Variants in TAFA1 observed in about 807,000 individuals in gnomAD.
TAFA1 encodes the protein TAFA chemokine like family member 1.
TAFA1 carries 4 observed loss-of-function variants against 18.5 expected under a neutral mutation model. That is an observed-to-expected ratio of 0.22 (90% CI 0.11 to 0.49). The LOEUF (loss-of-function observed/expected upper bound fraction) is 0.49, where lower values mean the gene tolerates loss of function less well. TAFA1 is among the 20% of genes least tolerant of loss of function. The pLI, the probability that TAFA1 is intolerant of heterozygous loss-of-function variation, is 0.98. For synonymous variants in TAFA1, 56 were observed against 55.2 expected (o/e 1.01, Z -0.06); for missense variants, 147 against 169.0 (o/e 0.87, Z 0.72).
At chr3:68,466,787 C>CGTAG (rs1166604626) in intron 3 of TAFA1, among the ~76,000 whole-genome samples, 11 of 152,098 alleles carry the variant, frequency 7.2e-5, no homozygotes, top group African/African-American at 2.7e-4. Flanking sequence ...GATATTTCAA[C>CGTAG]GTAGGTTCTT....
At chr3:68,021,654 A>G (rs989338606) in intron 2 of TAFA1, among the ~76,000 whole-genome samples, 2 of 152,190 alleles carry the variant, frequency 1.3e-5, no homozygotes, top group Non-Finnish European at 2.9e-5. Flanking sequence ...TAAGAATTAC[A>G]TAACTAACAA....
At chr3:68,453,822 C>CT (rs2106903082) in intron 3 of TAFA1, among the ~76,000 whole-genome samples, 1 of 152,246 alleles carries the variant, frequency 6.6e-6, no homozygotes, top group East Asian at 1.9e-4. Flanking sequence ...TGCAGCTGAG[C>CT]TTTTCATATT....
chr3:68,384,806 C>T (rs910182986), intron 2 of TAFA1, among the ~76,000 whole-genome samples: 1 of 151,330 alleles, frequency 6.6e-6, no homozygotes, highest in Admixed American at 6.6e-5. Flanking sequence ...GTCTAAGTCT[C>T]TTCTAAGGTG....
intron 2 of TAFA1, among the ~76,000 whole-genome samples, chr3:68,363,341 C>T (rs1161722253): frequency 6.6e-6 from 1 of 152,136 alleles, no homozygotes; most frequent in Non-Finnish European, 1.5e-5. Flanking sequence ...TCCTGGGTTG[C>T]ACCTTTCTGT....
intron 3 of TAFA1, among the ~76,000 whole-genome samples, chr3:68,503,012 T>C (rs1225557644): frequency 6.6e-6 from 1 of 152,168 alleles, no homozygotes; most frequent in Middle Eastern, 3.2e-3. Flanking sequence ...AAAGGAATGA[T>C]GTATAGCCCA....
At chr3:68,105,590 C>A (rs965436800) in intron 2 of TAFA1, among the ~76,000 whole-genome samples, 10 of 152,062 alleles carry the variant, frequency 6.6e-5, no homozygotes, top group Admixed American at 1.3e-4. Flanking sequence ...AACACAGAAT[C>A]AAGTATTTAC....
At chr3:68,489,472 AT>A (rs2072411168) in intron 3 of TAFA1, among the ~76,000 whole-genome samples, 1 of 152,174 alleles carries the variant, frequency 6.6e-6, no homozygotes, top group Admixed American at 6.5e-5. Flanking sequence ...GCCAAACTCT[AT>A]TTGCAAGTTG....
intron 3 of TAFA1, among the ~76,000 whole-genome samples, chr3:68,457,312 A>G (rs961723911): frequency 6.6e-6 from 1 of 152,158 alleles, no homozygotes; most frequent in Non-Finnish European, 1.5e-5. Context: ...AACTTTTTAT[A>G]ATAGATTTAT....
intron 2 of TAFA1, among the ~76,000 whole-genome samples, chr3:68,165,569 G>A (rs1015006521): frequency 6.6e-6 from 1 of 152,208 alleles, no homozygotes; most frequent in Non-Finnish European, 1.5e-5. Context: ...AAGAAGGTAT[G>A]GCTTCTACTC....
intron 2 of TAFA1, among the ~76,000 whole-genome samples, chr3:68,032,561 A>G (rs1419057974): frequency 6.6e-6 from 1 of 152,108 alleles, no homozygotes; most frequent in Non-Finnish European, 1.5e-5. Flanking sequence ...ATTTGCTGAA[A>G]TTCTCCTGTC....
chr3:68,298,071 C>G (rs1161080496), intron 2 of TAFA1, among the ~76,000 whole-genome samples: 3 of 152,138 alleles, frequency 2.0e-5, no homozygotes, highest in Non-Finnish European at 4.4e-5. Context: ...GATGTTTTCC[C>G]TGTCCATTAG....
At chr3:67,994,988 C>T in the TAFA1 span, among the ~76,000 whole-genome samples, 34 of 151,792 alleles carry the variant, frequency 2.2e-4, no homozygotes, top group African/African-American at 7.7e-4. Flanking sequence ...ATGAAATCTA[C>T]CAAACATGGC....
Position 68,246,589 on chromosome 3 carries a change from C to CAAAAAAAAAAAAA in TAFA1, c.119-170667_119-170655dup, listed in dbSNP as rs63748968. Among the ~76,000 whole-genome samples the CAAAAAAAAAAAAA allele has an allele frequency of 4.9e-3, 270 of 55,342 alleles. 42 individuals are homozygous for CAAAAAAAAAAAAA. The highest frequency in any genetic ancestry group is 0.011 in the African/African-American group (151 of 13,774). The allele number at this position is 55,342 out of a possible 152,430, so 36.3% of individuals were successfully genotyped here. A position where few individuals can be genotyped will look rare whatever the true frequency, so the allele number is the denominator to read the frequency against. ...TGGGCGACAGAGCGGGACTCCGTCT[C>CAAAAAAAAAAAAA]AAAAAAAAAAAAAAAAAAAAAAAAA... On this transcript the variant is annotated intron_variant, in intron 2 of 4. Coordinates refer to ENST00000478136, the MANE Select transcript of TAFA1 (RefSeq NM_213609.4).
chr3:68,294,864 G>T (rs1276598600), intron 2 of TAFA1, among the ~76,000 whole-genome samples: 1 of 152,172 alleles, frequency 6.6e-6, no homozygotes, highest in East Asian at 1.9e-4. Context: ...GCAACAGAGA[G>T]AGATCGTGTC....
At chr3:68,426,503 A>G (rs1178037197) in intron 3 of TAFA1, among the ~76,000 whole-genome samples, 2 of 151,920 alleles carry the variant, frequency 1.3e-5, no homozygotes, top group Non-Finnish European at 2.9e-5. Flanking sequence ...GCTGGTAAAC[A>G]TGGAAAAAAT....
intron 2 of TAFA1, chr3:68,247,212 A>C (rs1248241986): frequency 1.3e-5 from 2 of 152,142 alleles, no homozygotes; most frequent in African/African-American, 4.8e-5. Context: ...GTTCCCTCAG[A>C]TACTAACTAA....
rs569079659 is a variant in TAFA1 at position 68,239,814 on chromosome 3, C to A, written c.119-177466C>A. Among the ~76,000 whole-genome samples, 9 of 152,266 alleles carry A rather than the reference C, an allele frequency of 5.9e-5. No individual in the cohort carries two copies. The South Asian group carries it at 6.2e-4, about 11-fold the overall frequency. ...AATTAGTCAGAACCATTTGCAGCCC[C>A]CATGTCCCTGTAACAACCTTGTTGA... On this transcript the variant is annotated intron_variant, in intron 2 of 4. Coordinates refer to ENST00000478136, the MANE Select transcript of TAFA1 (RefSeq NM_213609.4).
chr3:68,306,230 G>T (rs1377282380), intron 2 of TAFA1, among the ~76,000 whole-genome samples: 1 of 152,132 alleles, frequency 6.6e-6, no homozygotes, highest in Admixed American at 6.5e-5. Flanking sequence ...TCTTTACCCA[G>T]GTAGTTGTAT....
At chr3:68,517,633 C>A in intron 3 of TAFA1, among the ~76,000 whole-genome samples, 1 of 152,238 alleles carries the variant, frequency 6.6e-6, no homozygotes, top group Non-Finnish European at 1.5e-5. Flanking sequence ...ACCCCTTAAT[C>A]CTGTCAAACG....
Sources: allele counts gnomAD v4.1 joint callset (sites outside exome capture counted in the v4.1 genomes callset), GRCh38; gene constraint gnomAD v4.1.1; transcripts MANE v1.5; gene names NCBI Gene and HGNC (gene_info 2026-07-23, HGNC 2026-07-21).